Variants in DEPDC1B observed in about 807,000 individuals in gnomAD.
The protein encoded by DEPDC1B is DEP domain containing 1B.
DEPDC1B carries 51 observed loss-of-function variants against 66.5 expected under a neutral mutation model. The observed-to-expected ratio is 0.77, with a 90% CI of 0.61 to 0.97. The LOEUF (loss-of-function observed/expected upper bound fraction) is 0.97. Among genes scored for constraint, DEPDC1B ranks in the 50% least tolerant of loss-of-function variants. The pLI is 0.00. For missense variants in DEPDC1B, 552 were observed against 637.1 expected, an observed-to-expected ratio of 0.87 and a Z score of 1.44; for synonymous variants, 226 against 223.6, an observed-to-expected ratio of 1.01 and a Z score of -0.10.
At chr5:60,630,923 T>G (rs1354673322) in intron 7 of DEPDC1B, 1 of 164,826 alleles carries the variant, frequency 6.1e-6, no homozygotes, top group Non-Finnish European at 1.5e-5. Context: ...GCATCAGACA[T>G]GAACCACCTA....
At chr5:60,672,632 C>A (rs1295790961) in intron 2 of DEPDC1B, among the ~76,000 whole-genome samples, 1 of 152,136 alleles carries the variant, frequency 6.6e-6, no homozygotes. Flanking sequence ...GACACAGAGG[C>A]AAATCATGTC....
At chr5:60,661,307 T>C (rs1035351337) in intron 2 of DEPDC1B, among the ~76,000 whole-genome samples, 1 of 152,154 alleles carries the variant, frequency 6.6e-6, no homozygotes, top group African/African-American at 2.4e-5. Context: ...GACTGCTACA[T>C]TGGTAAATGT....
At chr5:60,681,467 A>G (rs1039208064) in intron 2 of DEPDC1B, among the ~76,000 whole-genome samples, 3 of 152,220 alleles carry the variant, frequency 2.0e-5, no homozygotes, top group Non-Finnish European at 4.4e-5. Context: ...AAGGCACTCT[A>G]ACCAGCCAAC....
chr5:60,624,748 T>A (rs1752774966), intron 7 of DEPDC1B, among the ~76,000 whole-genome samples: 1 of 152,146 alleles, frequency 6.6e-6, no homozygotes, highest in Non-Finnish European at 1.5e-5. Context: ...ATACTTTAAG[T>A]TCTGGGGTAC....
intron 2 of DEPDC1B, among the ~76,000 whole-genome samples, chr5:60,663,697 A>C (rs1397369046): frequency 6.6e-6 from 1 of 152,180 alleles, no homozygotes; most frequent in Non-Finnish European, 1.5e-5. Flanking sequence ...GCCAGTTCTC[A>C]TACTTGGTCA....
chr5:60,647,891 A>T (rs1753359333), intron 2 of DEPDC1B: 1 of 155,122 alleles, frequency 6.4e-6, no homozygotes. Flanking sequence ...TAAGCCAAAA[A>T]AACAGCTTAA....
chr5:60,657,790 G>A (rs1380048149), intron 2 of DEPDC1B, among the ~76,000 whole-genome samples: 1 of 152,136 alleles, frequency 6.6e-6, no homozygotes, highest in African/African-American at 2.4e-5. Flanking sequence ...TTTTTGCGAT[G>A]AATTTCCCAG....
intron 7 of DEPDC1B, among the ~76,000 whole-genome samples, chr5:60,619,104 A>T (rs561508114): frequency 6.6e-6 from 1 of 152,088 alleles, no homozygotes; most frequent in South Asian, 2.1e-4. Flanking sequence ...CATGCTAAAA[A>T]CTCTCAATAA....
chr5:60,649,746 A>C (rs1034181002), intron 2 of DEPDC1B, among the ~76,000 whole-genome samples: 11 of 151,956 alleles, frequency 7.2e-5, no homozygotes, highest in African/African-American at 2.7e-4. Flanking sequence ...TTTTTACACA[A>C]AAAAAAGACA....
chr5:60,615,333 C>G (rs1170190476), intron 7 of DEPDC1B, among the ~76,000 whole-genome samples: 1 of 152,104 alleles, frequency 6.6e-6, no homozygotes, highest in East Asian at 1.9e-4. Context: ...AAGCGTGAGC[C>G]AAAGAATGGT....
intron 1 of DEPDC1B, among the ~76,000 whole-genome samples, chr5:60,695,070 G>A (rs1754624369): frequency 1.3e-5 from 2 of 152,118 alleles, no homozygotes; most frequent in African/African-American, 4.8e-5. Context: ...TAATATTTTA[G>A]AGGGTATGTT....
intron 7 of DEPDC1B, among the ~76,000 whole-genome samples, chr5:60,624,734 T>G (rs1752774685): frequency 6.6e-6 from 1 of 152,192 alleles, no homozygotes; most frequent in Non-Finnish European, 1.5e-5. Context: ...ATTTTATTAT[T>G]ATTATACTTT....
rs528758437 is a variant in DEPDC1B, at chr5:60,699,443, G to GAAAAAAAAAAAAAAAAAAAAAA, written c.48+602_48+603insTTTTTTTTTTTTTTTTTTTTTT. On this transcript the variant is annotated intron_variant, in intron 1 of 10. Coordinates refer to ENST00000265036, the MANE Select transcript of DEPDC1B (RefSeq NM_018369.3). ...CCTCAATACCAAAGCTTTTCTCCCA[G>GAAAAAAAAAAAAAAAAAAAAAA]AAAAAAAAAAAAAAAAAAACAGGAA... is the stretch of plus-strand genomic sequence containing the variant. 1.1e-4 allele frequency among the ~76,000 whole-genome samples: 10 copies of GAAAAAAAAAAAAAAAAAAAAAA among 89,378 alleles called. 2 individuals carry two copies. Among genetic ancestry groups the GAAAAAAAAAAAAAAAAAAAAAA allele is most frequent in the African/African-American group, 3.3e-4 (6 of 18,166 alleles). 58.6% of individuals were successfully genotyped at this position (89,378 alleles called of 152,430 possible). A position where few individuals can be genotyped will look rare whatever the true frequency, so the allele number is the denominator to read the frequency against.
At chr5:60,607,455 T>C (rs1584023201) in intron 7 of DEPDC1B, among the ~76,000 whole-genome samples, 2 of 152,214 alleles carry the variant, frequency 1.3e-5, no homozygotes, top group African/African-American at 4.8e-5. Context: ...TTTTAATATA[T>C]TCTTTCATTT....
chr5:60,697,802 C>T (rs544577639), intron 1 of DEPDC1B, among the ~76,000 whole-genome samples: 23 of 152,012 alleles, frequency 1.5e-4, no homozygotes, highest in African/African-American at 4.6e-4. Flanking sequence ...CATTTATCTT[C>T]TTAACTTAAT....
intron 1 of DEPDC1B, among the ~76,000 whole-genome samples, chr5:60,694,735 T>C (rs1754617346): frequency 6.6e-6 from 1 of 152,244 alleles, no homozygotes; most frequent in South Asian, 2.1e-4. Context: ...TCTGTTAATG[T>C]TTAAAGGGCA....
intron 7 of DEPDC1B, chr5:60,630,840 T>C (rs917112361): frequency 8.9e-5 from 14 of 157,602 alleles, no homozygotes; most frequent in African/African-American, 2.9e-4. Flanking sequence ...CCTAGCAGAA[T>C]ATTGTGCTCC....
At chr5:60,616,795 A>G (rs1752565914) in intron 7 of DEPDC1B, among the ~76,000 whole-genome samples, 1 of 152,202 alleles carries the variant, frequency 6.6e-6, no homozygotes, top group Non-Finnish European at 1.5e-5. Flanking sequence ...AACGCCACAA[A>G]GATACTCCTC....
At chr5:60,678,128 A>C (rs1400620702) in intron 2 of DEPDC1B, among the ~76,000 whole-genome samples, 1 of 152,156 alleles carries the variant, frequency 6.6e-6, no homozygotes, top group Non-Finnish European at 1.5e-5. Context: ...TGGTAAAATA[A>C]AATTTTTTTT....
Sources: gnomAD v4.1 joint callset for allele counts (sites outside exome capture counted in the v4.1 genomes callset) on GRCh38, gnomAD v4.1.1 for gene constraint, MANE v1.5 for transcripts, NCBI Gene and HGNC (gene_info 2026-07-23, HGNC 2026-07-21) for gene names.